The following AHRR variants were observed in gnomAD, a reference collection of about 807,000 sequenced individuals.
The protein encoded by AHRR is ahR repressor.
Under a neutral mutation model 44.0 loss-of-function variants are expected in AHRR, and 28 were observed. The ratio of observed to expected loss-of-function variants is 0.64; its 90% CI spans 0.47 to 0.87. The LOEUF (loss-of-function observed/expected upper bound fraction) is 0.87. AHRR is among the 40% of genes least tolerant of loss of function. AHRR has a pLI of 0.00. For missense variants in AHRR, 990 were observed against 953.9 expected (o/e 1.04, Z -0.50); for synonymous variants, 434 against 407.0 (o/e 1.07, Z -0.80).
intron 5 of AHRR, among the ~76,000 whole-genome samples, chr5:417,784 A>G (rs1735893359): frequency 6.6e-6 from 1 of 152,270 alleles, no homozygotes; most frequent in Non-Finnish European, 1.5e-5. Context: ...AAATGCCATT[A>G]AATCAGGCAT....
chr5:426,782 ATGGAT>A (rs1045417957), intron 7 of AHRR, among the ~76,000 whole-genome samples: 3 of 146,294 alleles, frequency 2.1e-5, no homozygotes, highest in East Asian at 4.4e-4. Context: ...AGATGGATGA[ATGGAT>A]AGGAAGATGG....
In AHRR at chr5:404,453, T is replaced by C; in HGVS notation, c.352-8891T>C. ...CAACAGGGGACCACTGTGCTGGTGC[T>C]GTCGTGCACGGTGTGTTCACCAAAA... On this transcript the variant is annotated intron_variant, in intron 4 of 10. Transcript: ENST00000684583. The surrounding 1 kb of genome is among the most constrained non-coding windows in gnomAD (Gnocchi z 4.1). 1.9e-6 allele frequency: 1 copy of C among 523,254 alleles called. No individual in the cohort carries two copies. Among genetic ancestry groups the C allele is most frequent in the South Asian group, 1.4e-5 (1 of 69,448 alleles). 32.4% of individuals were successfully genotyped at this position (523,254 alleles called of 1,614,324 possible).
chr5:428,030 G>A (rs1330610967), intron 8 of AHRR, 24 bp downstream of exon 8: 2 of 1,602,682 alleles, frequency 1.2e-6, no homozygotes, highest in Admixed American at 1.7e-5. Context: ...GCCCTTCACA[G>A]CCACATGGTG....
intron 5 of AHRR, among the ~76,000 whole-genome samples, chr5:416,184 A>G (rs1735803360): frequency 6.6e-6 from 1 of 152,234 alleles, no homozygotes; most frequent in African/African-American, 2.4e-5. Context: ...GAGAGGGAAC[A>G]CCGTGCAGTG....
intron 1 of AHRR, among the ~76,000 whole-genome samples, chr5:325,495 C>T (rs1741674597): frequency 6.6e-6 from 1 of 152,188 alleles, no homozygotes; most frequent in Non-Finnish European, 1.5e-5. Flanking sequence ...GCAGGCTGGC[C>T]TCCAGCCACC....
At chr5:341,915 T>C (rs1184498739) in intron 1 of AHRR, among the ~76,000 whole-genome samples, 1 of 152,224 alleles carries the variant, frequency 6.6e-6, no homozygotes, top group Non-Finnish European at 1.5e-5. Flanking sequence ...CATTTTTGTT[T>C]AGTTCAAAAT....
At chr5:371,471 A>G (rs1365659470) in intron 3 of AHRR, among the ~76,000 whole-genome samples, 1 of 152,190 alleles carries the variant, frequency 6.6e-6, no homozygotes, top group African/African-American at 2.4e-5. Flanking sequence ...TGGGGCTCTG[A>G]AGTGATGAGC....
At chr5:389,378 T>C (rs1011942302) in intron 4 of AHRR, among the ~76,000 whole-genome samples, 3 of 151,906 alleles carry the variant, frequency 2.0e-5, no homozygotes, top group Non-Finnish European at 4.4e-5. Context: ...TGGCCACCGG[T>C]GCCCGAGCGA....
chr5:373,870 C>A (rs1451315778), intron 3 of AHRR, among the ~76,000 whole-genome samples: 1 of 150,834 alleles, frequency 6.6e-6, no homozygotes, highest in Non-Finnish European at 1.5e-5. Flanking sequence ...GAGCGCTGCT[C>A]GCACGCGAGG....
intron 8 of AHRR, among the ~76,000 whole-genome samples, chr5:430,664 T>C (rs1337072966): frequency 6.6e-6 from 1 of 152,144 alleles, no homozygotes; most frequent in Non-Finnish European, 1.5e-5. Flanking sequence ...GCAGCAGCGG[T>C]TATTTGAAGG....
intron 4 of AHRR, among the ~76,000 whole-genome samples, chr5:401,845 C>G (rs1043661984): frequency 1.3e-5 from 2 of 152,206 alleles, no homozygotes; most frequent in African/African-American, 4.8e-5. Context: ...AAGGGGGCAA[C>G]CAAGCCTCCG....
At chr5:401,944 C>T (rs962218579) in intron 4 of AHRR, among the ~76,000 whole-genome samples, 7 of 152,116 alleles carry the variant, frequency 4.6e-5, no homozygotes, top group Admixed American at 1.3e-4. Flanking sequence ...AAGAGAAATA[C>T]GCAGACAGGC....
At chr5:393,747 C>T (rs1312141649) in intron 4 of AHRR, among the ~76,000 whole-genome samples, 3 of 152,140 alleles carry the variant, frequency 2.0e-5, no homozygotes, top group South Asian at 4.1e-4. Context: ...AAGTGATTCT[C>T]CTGCCTCAGC....
intron 1 of AHRR, among the ~76,000 whole-genome samples, chr5:324,045 T>TTC (rs535547539): frequency 6.5e-5 from 8 of 123,358 alleles, no homozygotes; most frequent in East Asian, 2.1e-4. Context: ...CTGTCTCTCT[T>TTC]TCTCTCTCTC....
At position 436,566 on chromosome 5, in the gene AHRR, T is replaced by G. The variant is rs1560929373; in HGVS notation, c.*1732T>G. The G allele has an allele frequency of 6.6e-6, 1 of 152,320 alleles. No individual in the cohort carries two copies. The highest frequency in any genetic ancestry group is 2.4e-5 in the African/African-American group (1 of 41,406). 9.4% of individuals were successfully genotyped at this position (152,320 alleles called of 1,614,324 possible). On this transcript the variant is annotated 3_prime_UTR_variant, in exon 11 of 11. Coordinates refer to ENST00000684583, the MANE Select transcript of AHRR (RefSeq NM_001377236.1). ...AGTACTGGAAGAGAACAGCCAACCA[T>G]CTGAGCCCAGAGTCACAGATCCATC...
chr5:432,614 G>A (rs1004441272), intron 9 of AHRR, 90 bp downstream of exon 9: 2 of 1,537,116 alleles, frequency 1.3e-6, no homozygotes, highest in African/African-American at 2.7e-5. Flanking sequence ...GGAGATGTTG[G>A]CGTATTCCAT....
At position 437,866 on chromosome 5, in the gene AHRR, T is replaced by G. The variant is rs537530248; in HGVS notation, c.*3032T>G. 6 of 152,492 alleles carry G rather than the reference T, an allele frequency of 3.9e-5. No individual in the cohort carries two copies. Among genetic ancestry groups the G allele is most frequent in the Admixed American group, 3.9e-4 (6 of 15,306 alleles). The allele number at this position is 152,492 out of a possible 1,614,324, so 9.4% of individuals were successfully genotyped here. ...CTCCCCAAGTCAGCACTTTGGTTAT[T>G]TTATAGCCACAACCCTCTTGGAAAA... On this transcript the variant is annotated 3_prime_UTR_variant, in exon 11 of 11. Transcript: ENST00000684583.
At position 427,630 on chromosome 5, in the gene AHRR, T is replaced by C. The variant is rs1427952650; in HGVS notation, c.709-177T>C. The C allele has an allele frequency of 2.5e-6, 4 of 1,612,970 alleles. No individual in the cohort carries two copies. The Admixed American group carries it at 5.0e-5, about 20-fold the overall frequency. ...GGATGATTCAAGCACATCGAATCAC[T>C]CTGCAGGCCCGGGGGTCACAGGCTT... On this transcript the variant is annotated intron_variant, in intron 7 of 10. Transcript: ENST00000684583.
Position 341,213 on chromosome 5 carries a change from C to T in AHRR, c.-10-2680C>T, listed in dbSNP as rs1022955710. ...TAATTTTAGTACAGACGGGGTTTCA[C>T]CATATTGGTCAGGCTGGTCTCGAAC... On this transcript the variant is annotated intron_variant, in intron 1 of 10. Transcript: ENST00000684583. Among the ~76,000 whole-genome samples, 7 of 151,902 alleles carry T rather than the reference C, an allele frequency of 4.6e-5. No individual in the cohort carries two copies. In the East Asian group the frequency reaches 1.2e-3, roughly 25 times the overall value.
Sources: allele counts gnomAD v4.1 joint callset (sites outside exome capture counted in the v4.1 genomes callset), GRCh38; gene constraint gnomAD v4.1.1; non-coding constraint Gnocchi (gnomAD v3.1); transcripts MANE v1.5; gene names NCBI Gene and HGNC (gene_info 2026-07-23, HGNC 2026-07-21).